The following FAT3 variants were observed in gnomAD, a reference collection of about 807,000 sequenced individuals.
FAT3 encodes the protein FAT atypical cadherin 3, also known as protocadherin Fat 3.
A neutral mutation model predicts 310.2 loss-of-function variants in FAT3; 95 were observed. That is an observed-to-expected ratio of 0.31 (90% CI 0.26 to 0.36). The LOEUF is 0.36. Ranked by LOEUF, FAT3 falls within the 10% of genes least tolerant of loss-of-function variation. FAT3 has a pLI of 1.00. For missense variants in FAT3, 5,408 were observed against 5,715.6 expected (o/e 0.95, Z 1.74); for synonymous variants, 2,314 against 2,192.9 (o/e 1.06, Z -1.54).
chr11:92,801,247 G>C lies in FAT3; in HGVS notation c.8234G>C (p.Gly2745Ala), dbSNP rs1167618474. Residue 2745 changes from glycine (G) to alanine (A), a missense_variant, in exon 10 of 28, where the codon GGG (glycine) becomes GCG (alanine). By Grantham distance (60) the Gly-to-Ala change is moderately conservative. Transcript: ENST00000525166. ...SQNVWFSTVN[G>A]ERPENNKGGI... is the part of the protein sequence containing the mutation. ...AATGTCTGGTTCAGCACAGTTAATGGGGAACGGCCAGAAAATAACAAAGGG... is the reference window on the plus strand; with the variant it reads ...AATGTCTGGTTCAGCACAGTTAATGCGGAACGGCCAGAAAATAACAAAGGG... 1 of 1,613,810 alleles carries C rather than the reference G, an allele frequency of 6.2e-7. No individual in the cohort carries two copies. Among genetic ancestry groups the C allele is most frequent in the South Asian group, 1.1e-5 (1 of 91,060 alleles).
At chr11:92,782,050 A>G (rs932039472) in intron 7 of FAT3, among the ~76,000 whole-genome samples, 11 of 152,124 alleles carry the variant, frequency 7.2e-5, no homozygotes, top group African/African-American at 2.2e-4. Context: ...TGGCTCACAT[A>G]TGAATCCCAA....
chr11:92,882,697 A>G (rs1949700200), intron 23 of FAT3, 41 bp from the exon 24 acceptor site: 1 of 1,549,116 alleles, frequency 6.5e-7, no homozygotes, highest in African/African-American at 1.4e-5. Flanking sequence ...ACGTGTGTGC[A>G]CTGGTCCTGA....
chr11:92,430,380 G>A (rs993735163), intron 2 of FAT3, among the ~76,000 whole-genome samples: 3 of 152,142 alleles, frequency 2.0e-5, no homozygotes, highest in Non-Finnish European at 2.9e-5. Flanking sequence ...CCTTGCTGGC[G>A]AGGAGTTGTG....
At chr11:92,675,963 T>C (rs969072587) in intron 3 of FAT3, among the ~76,000 whole-genome samples, 2 of 152,112 alleles carry the variant, frequency 1.3e-5, no homozygotes, top group African/African-American at 4.8e-5. Context: ...TTCTGGTCTT[T>C]TGTTTTCATC....
chr11:92,526,364 T>G (rs1953862345), intron 3 of FAT3, among the ~76,000 whole-genome samples: 2 of 152,038 alleles, frequency 1.3e-5, no homozygotes, highest in African/African-American at 4.8e-5. Context: ...ACAAACAATG[T>G]CACAGTAAAG....
chr11:92,788,032 T>C (rs1247740353), intron 7 of FAT3, among the ~76,000 whole-genome samples: 2 of 152,090 alleles, frequency 1.3e-5, no homozygotes, highest in Non-Finnish European at 1.5e-5. Context: ...TAATAGCCAA[T>C]CCAGTAGCAA....
In FAT3 at chr11:92,801,921, C is replaced by G; in HGVS notation, c.8896+12C>G. 3.7e-6 allele frequency: 6 copies of G among 1,604,792 alleles called. No individual in the cohort carries two copies. Among genetic ancestry groups the G allele is most frequent in the Non-Finnish European group, 5.1e-6 (6 of 1,173,596 alleles). On this transcript the variant is annotated intron_variant, in intron 10 of 27. Transcript: ENST00000525166. Reference sequence around the variant, plus strand: ...CTACCATATTACAGGTGAGTAAATACCCCCAGTTTTCATTATGTGCACTGC... The same window carrying G: ...CTACCATATTACAGGTGAGTAAATAGCCCCAGTTTTCATTATGTGCACTGC...
At chr11:92,814,122 C>A (rs1276053375) in intron 13 of FAT3, among the ~76,000 whole-genome samples, 1 of 152,170 alleles carries the variant, frequency 6.6e-6, no homozygotes, top group Admixed American at 6.5e-5. Flanking sequence ...TTGGACTTCC[C>A]AGCCTCCAGA....
chr11:92,249,297 T>A (rs1865045773), intron 1 of FAT3, among the ~76,000 whole-genome samples: 1 of 152,042 alleles, frequency 6.6e-6, no homozygotes, highest in African/African-American at 2.4e-5. Flanking sequence ...TAAGGCAGCC[T>A]GTGTTTGTGT....
chr11:92,511,947 C>G (rs923149674), intron 2 of FAT3, among the ~76,000 whole-genome samples: 1 of 152,084 alleles, frequency 6.6e-6, no homozygotes, highest in Admixed American at 6.6e-5. Flanking sequence ...AGAGCTGATA[C>G]TAACCCACTG....
At chr11:92,684,624 A>G (rs144313941) in intron 3 of FAT3, among the ~76,000 whole-genome samples, 93 of 152,288 alleles carry the variant, frequency 6.1e-4, no homozygotes, top group African/African-American at 2.0e-3. Context: ...CTAGCTACTT[A>G]GTGATGTAAC....
chr11:92,293,358 C>T (rs1946750862), intron 1 of FAT3, among the ~76,000 whole-genome samples: 1 of 151,334 alleles, frequency 6.6e-6, no homozygotes, highest in Non-Finnish European at 1.5e-5. Flanking sequence ...TCTTTTTCAA[C>T]AGTTAAATTT....
chr11:92,566,970 G>A (rs1955478564), intron 3 of FAT3, among the ~76,000 whole-genome samples: 1 of 152,154 alleles, frequency 6.6e-6, no homozygotes, highest in Admixed American at 6.5e-5. Flanking sequence ...TCAGGACATA[G>A]GCATGGACAA....
Position 92,761,941 on chromosome 11 carries a change from C to T in FAT3, c.3755C>T (p.Pro1252Leu). The T allele has an allele frequency of 6.2e-7, 1 of 1,613,790 alleles. No individual in the cohort carries two copies. The highest frequency in any genetic ancestry group is 8.5e-7 in the Non-Finnish European group (1 of 1,179,860). ...GTTCTAGATGAAAATGACAACAAGCCCCAGTTCCCAGAGAAGGTCTACCAG... is the reference window on the plus strand; with the variant it reads ...GTTCTAGATGAAAATGACAACAAGCTCCAGTTCCCAGAGAAGGTCTACCAG... ...VQVLDENDNK[P>L]QFPEKVYQIK... The change falls in exon 5 of 28, where the codon CCC (proline) becomes CTC (leucine). Residue 1252 changes from proline to leucine, a missense_variant. Around this residue, in one of 5 missense-constraint regions of FAT3, gnomAD observed 4,588 missense variants for 4,809.8 expected, o/e 0.95. Transcript: ENST00000525166.
chr11:92,330,955 A>G lies in FAT3; in HGVS notation c.-17-21141A>G, dbSNP rs78617168. On this transcript the variant is annotated intron_variant, in intron 1 of 27. Coordinates refer to ENST00000525166, the MANE Select transcript of FAT3 (RefSeq NM_001367949.2). ...GGGATTTCTTGTTAGGGAAATTGAC[A>G]GGAGTAAAGGGTGTGTGTGTGTGTG... is the stretch of plus-strand genomic sequence containing the variant. Among the ~76,000 whole-genome samples the G allele has an allele frequency of 4.5e-3, 669 of 150,222 alleles. 9 individuals are homozygous for G. Among genetic ancestry groups the G allele is most frequent in the African/African-American group, 0.016 (634 of 40,612 alleles).
chr11:92,377,285 G>A (rs1949373385), intron 2 of FAT3, among the ~76,000 whole-genome samples: 1 of 152,138 alleles, frequency 6.6e-6, no homozygotes, highest in African/African-American at 2.4e-5. Flanking sequence ...TATCCAATGG[G>A]TTATCAGCCC....
chr11:92,291,609 C>T (rs1236885157), intron 1 of FAT3, among the ~76,000 whole-genome samples: 1 of 150,694 alleles, frequency 6.6e-6, no homozygotes, highest in Non-Finnish European at 1.5e-5. Context: ...TCTAAATACA[C>T]ATTGTATTCT....
intron 2 of FAT3, among the ~76,000 whole-genome samples, chr11:92,473,073 G>A (rs1048392223): frequency 6.6e-6 from 1 of 152,110 alleles, no homozygotes; most frequent in African/African-American, 2.4e-5. Context: ...AGTCTCCACT[G>A]AGCTGCAGCC....
At chr11:92,881,786 CTTATAA>C (rs1949675527) in intron 23 of FAT3, among the ~76,000 whole-genome samples, 1 of 152,122 alleles carries the variant, frequency 6.6e-6, no homozygotes, top group Admixed American at 6.5e-5. Flanking sequence ...AAACACTTGC[CTTATAA>C]TTATACTCAA....
Sources: allele counts gnomAD v4.1 joint callset (sites outside exome capture counted in the v4.1 genomes callset), GRCh38; gene constraint gnomAD v4.1.1; regional missense constraint gnomAD v4.1.1; transcripts MANE v1.5; gene names NCBI Gene and HGNC (gene_info 2026-07-23, HGNC 2026-07-21).